Variants in CREG2 observed in about 807,000 individuals in gnomAD.
CREG2 encodes protein CREG2.
In CREG2, 24 loss-of-function variants were observed where a neutral mutation model predicts 26.2. The ratio of observed to expected loss-of-function variants is 0.92; its 90% CI spans 0.66 to 1.29. CREG2 has a LOEUF of 1.29. Ranked by LOEUF, CREG2 falls within the 50% of genes most tolerant of loss-of-function variation. The pLI is 0.00. For synonymous variants in CREG2, 174 were observed against 169.2 expected, an observed-to-expected ratio of 1.03 and a Z score of -0.22; for missense variants, 366 against 398.6, an observed-to-expected ratio of 0.92 and a Z score of 0.70.
intron 2 of CREG2, among the ~76,000 whole-genome samples, chr2:101,380,297 C>G (rs72990605): frequency 6.6e-6 from 1 of 152,198 alleles, no homozygotes; most frequent in Non-Finnish European, 1.5e-5. Flanking sequence ...TTCTTGCTCC[C>G]GGGCTGTATC....
chr2:101,351,875 T>C (rs148518578), intron 3 of CREG2, among the ~76,000 whole-genome samples: 2 of 152,040 alleles, frequency 1.3e-5, no homozygotes, highest in East Asian at 1.9e-4. Flanking sequence ...AGGTTGATGA[T>C]CTTTATTTAT....
chr2:101,351,358 T>C, intron 3 of CREG2, among the ~76,000 whole-genome samples: 1 of 152,164 alleles, frequency 6.6e-6, no homozygotes, highest in East Asian at 1.9e-4. Context: ...CTGTTGGCAC[T>C]CACAAGCCTC....
chr2:101,351,821 G>C (rs1223063352), intron 3 of CREG2, among the ~76,000 whole-genome samples: 5 of 152,062 alleles, frequency 3.3e-5, no homozygotes, highest in Non-Finnish European at 5.9e-5. Flanking sequence ...CAAAGACCGA[G>C]TCCAAACTGG....
chr2:101,361,600 G>A (rs1305288590), intron 2 of CREG2, among the ~76,000 whole-genome samples: 1 of 152,172 alleles, frequency 6.6e-6, no homozygotes, highest in Non-Finnish European at 1.5e-5. Flanking sequence ...TTCTGCCAAC[G>A]CCTTGGTGTT....
At chr2:101,386,236 C>G (rs1684964928) in intron 1 of CREG2, among the ~76,000 whole-genome samples, 1 of 152,208 alleles carries the variant, frequency 6.6e-6, no homozygotes, top group Admixed American at 6.5e-5. Context: ...AAGAACCTGG[C>G]CAATGTCCTA....
Position 101,350,723 on chromosome 2 carries a change from T to A in CREG2, c.*200A>T, listed in dbSNP as rs1376807248. ...AGACTATCTACGTGAAGTATCTGTG[T>A]GAGTTGGAGATCTGCAAATGACCAC... On this transcript the variant is annotated 3_prime_UTR_variant, in exon 4 of 4. Transcript: ENST00000324768. The A allele has an allele frequency of 1.7e-6, 1 of 572,168 alleles. No homozygotes were observed. Among genetic ancestry groups the A allele is most frequent in the Non-Finnish European group, 3.1e-6 (1 of 322,342 alleles). The allele number at this position is 572,168 out of a possible 1,614,324, so 35.4% of individuals were successfully genotyped here.
Position 101,346,780 on chromosome 2 carries a change from A to G in CREG2, c.*4143T>C, listed in dbSNP as rs925873191. 2.6e-5 allele frequency: 4 copies of G among 152,228 alleles called. No individual in the cohort carries two copies. Among genetic ancestry groups the G allele is most frequent in the Admixed American group, 1.3e-4 (2 of 15,278 alleles). The allele number at this position is 152,228 out of a possible 1,614,324, so 9.4% of individuals were successfully genotyped here. ...TGTAGATTCTGAGATAGTTGTAGAT[A>G]ACTGTAGATTCACATGCAGTTGTAA... On this transcript the variant is annotated 3_prime_UTR_variant, in exon 4 of 4. Transcript: ENST00000324768.
intron 3 of CREG2, 117 bp downstream of exon 3, chr2:101,355,136 C>T: frequency 2.9e-6 from 2 of 683,762 alleles, no homozygotes; most frequent in South Asian, 1.8e-5. Flanking sequence ...CTATTCCCAC[C>T]GAAGGGCAGT....
At position 101,348,882 on chromosome 2, in the gene CREG2, T is replaced by C. The variant is rs1173621344; in HGVS notation, c.*2041A>G. The C allele has an allele frequency of 6.6e-6, 1 of 152,206 alleles. No homozygotes were observed. The highest frequency in any genetic ancestry group is 2.4e-5 in the African/African-American group (1 of 41,454). The allele number at this position is 152,206 out of a possible 1,614,324, so 9.4% of individuals were successfully genotyped here. A position where few individuals can be genotyped will look rare whatever the true frequency, so the allele number is the denominator to read the frequency against. On this transcript the variant is annotated 3_prime_UTR_variant, in exon 4 of 4. Coordinates refer to ENST00000324768, the MANE Select transcript of CREG2 (RefSeq NM_153836.4). ...ATTTGCTGAAACACACTTGCCTGAA[T>C]GGAGACCATCAAACTTAAAACTGTG... is the stretch of plus-strand genomic sequence containing the variant.
intron 2 of CREG2, among the ~76,000 whole-genome samples, chr2:101,364,094 A>G (rs968370060): frequency 3.0e-4 from 45 of 152,250 alleles, no homozygotes; most frequent in African/African-American, 9.9e-4. Flanking sequence ...GGAATTCTAA[A>G]TGTCCTGCAA....
At chr2:101,381,174 G>A (rs1335925767) in intron 2 of CREG2, among the ~76,000 whole-genome samples, 2 of 152,162 alleles carry the variant, frequency 1.3e-5, no homozygotes, top group African/African-American at 2.4e-5. Flanking sequence ...CTTCAGGCCC[G>A]GCGACAGGCA....
At chr2:101,357,990 A>G (rs1684487401) in intron 2 of CREG2, among the ~76,000 whole-genome samples, 1 of 151,388 alleles carries the variant, frequency 6.6e-6, no homozygotes, top group Admixed American at 6.6e-5. Flanking sequence ...AAAAAAAAAA[A>G]AAAGCTAGGC....
At chr2:101,363,547 A>G (rs1278004579) in intron 2 of CREG2, among the ~76,000 whole-genome samples, 1 of 152,124 alleles carries the variant, frequency 6.6e-6, no homozygotes, top group African/African-American at 2.4e-5. Context: ...TTTTATTTTT[A>G]TGTGTTTGTG....
chr2:101,381,250 C>T (rs962733394), intron 2 of CREG2, among the ~76,000 whole-genome samples: 1 of 152,206 alleles, frequency 6.6e-6, no homozygotes, highest in African/African-American at 2.4e-5. Flanking sequence ...GTTTGGGTAG[C>T]TGCGGACACT....
At chr2:101,385,009 C>T (rs1684943247) in intron 1 of CREG2, among the ~76,000 whole-genome samples, 1 of 152,180 alleles carries the variant, frequency 6.6e-6, no homozygotes, top group Admixed American at 6.5e-5. Context: ...AGATGCTGCA[C>T]CATGCTTTCT....
intron 2 of CREG2, chr2:101,382,349 G>T: frequency 6.6e-6 from 2 of 301,004 alleles, no homozygotes; most frequent in Non-Finnish European, 9.8e-6. Flanking sequence ...AACCTGGGAG[G>T]CAGAGGTTCA....
chr2:101,356,301 CA>C (rs1202056598), intron 2 of CREG2, among the ~76,000 whole-genome samples: 2 of 152,082 alleles, frequency 1.3e-5, no homozygotes, highest in African/African-American at 4.8e-5. Context: ...CATTCTGGCT[CA>C]AAAACAGGAA....
chr2:101,371,712 C>G (rs1166857085), intron 2 of CREG2, among the ~76,000 whole-genome samples: 1 of 152,140 alleles, frequency 6.6e-6, no homozygotes, highest in African/African-American at 2.4e-5. Flanking sequence ...CCTTAGCTCT[C>G]CCCGTGCTGC....
At chr2:101,370,936 T>G (rs1024559000) in intron 2 of CREG2, among the ~76,000 whole-genome samples, 6 of 152,202 alleles carry the variant, frequency 3.9e-5, no homozygotes, top group Admixed American at 1.3e-4. Context: ...CCCCGCCTGC[T>G]GAGGGTCTTG....
Sources: gnomAD v4.1 joint callset for allele counts (sites outside exome capture counted in the v4.1 genomes callset) on GRCh38, gnomAD v4.1.1 for gene constraint, MANE v1.5 for transcripts, NCBI Gene and HGNC (gene_info 2026-07-23, HGNC 2026-07-21) for gene names.